Variants in FHOD3 observed in about 807,000 individuals in gnomAD.
FHOD3 encodes formin homology 2 domain containing 3, also known as FH1/FH2 domain-containing protein 3.
FHOD3 carries 90 observed loss-of-function variants against 173.0 expected under a neutral mutation model. The ratio of observed to expected loss-of-function variants is 0.52; its 90% CI spans 0.44 to 0.62. The LOEUF (loss-of-function observed/expected upper bound fraction) is 0.62, where lower values mean the gene tolerates loss of function less well. Ranked by LOEUF, FHOD3 falls within the 20% of genes least tolerant of loss-of-function variation. The pLI is 0.00. For synonymous variants in FHOD3, 828 were observed against 823.0 expected, an observed-to-expected ratio of 1.01 and a Z score of -0.10; for missense variants, 1,945 against 2,034.7, an observed-to-expected ratio of 0.96 and a Z score of 0.85.
intron 5 of FHOD3, among the ~76,000 whole-genome samples, chr18:36,518,364 T>C (rs763433721): frequency 3.9e-5 from 6 of 152,212 alleles, no homozygotes; most frequent in Non-Finnish European, 8.8e-5. Context: ...GCTTTGGGTC[T>C]GGACTTCAGA....
intron 28 of FHOD3, 48 bp downstream of exon 28, chr18:36,769,474 C>A: frequency 6.3e-7 from 1 of 1,583,882 alleles, no homozygotes; most frequent in Non-Finnish European, 8.6e-7. Context: ...CAGGGATCTG[C>A]CCTCCCATTC....
intron 9 of FHOD3, among the ~76,000 whole-genome samples, chr18:36,619,683 C>G (rs956972436): frequency 2.0e-5 from 3 of 152,226 alleles, no homozygotes; most frequent in Non-Finnish European, 2.9e-5. Context: ...GCCCTGGTGA[C>G]CCAGCACATC....
intron 6 of FHOD3, among the ~76,000 whole-genome samples, chr18:36,593,483 G>A (rs776808661): frequency 6.6e-6 from 1 of 152,178 alleles, no homozygotes; most frequent in Non-Finnish European, 1.5e-5. Context: ...CTTGGGGTGA[G>A]TGGTGTTTTT....
rs146628971 is a variant in FHOD3, at chr18:36,665,711, C to G, written c.1835+7523C>G. ...ATCAATTTAGCATTTAGAGAAGAGG[C>G]AAGTGTGCAAAAGAAGAGTGAGTTG... is the stretch of plus-strand genomic sequence containing the variant. On this transcript the variant is annotated intron_variant, in intron 14 of 28. Coordinates refer to ENST00000590592, the MANE Select transcript of FHOD3 (RefSeq NM_001281740.3). 2.1e-4 allele frequency among the ~76,000 whole-genome samples: 32 copies of G among 152,236 alleles called. No homozygotes were observed. In the East Asian group the frequency reaches 5.8e-3, roughly 28 times the overall value.
intron 2 of FHOD3, among the ~76,000 whole-genome samples, chr18:36,359,579 G>T (rs2046512977): frequency 6.6e-6 from 1 of 152,134 alleles, no homozygotes; most frequent in Non-Finnish European, 1.5e-5. Flanking sequence ...GAGGACACTT[G>T]TAACATTTAT....
chr18:36,372,581 A>G, intron 2 of FHOD3, 99 bp from the exon 3 acceptor site: 1 of 900,258 alleles, frequency 1.1e-6, no homozygotes, highest in Non-Finnish European at 1.8e-6. Flanking sequence ...CTGGATCCCC[A>G]CTTAAGTGGG....
chr18:36,320,843 C>G (rs774726446), intron 1 of FHOD3, among the ~76,000 whole-genome samples: 8 of 152,192 alleles, frequency 5.3e-5, no homozygotes, highest in Non-Finnish European at 1.2e-4. Flanking sequence ...GCACTGGATT[C>G]TTTTAAGCAT....
At chr18:36,655,489 G>GA (rs997918429) in intron 13 of FHOD3, among the ~76,000 whole-genome samples, 12 of 150,890 alleles carry the variant, frequency 8.0e-5, no homozygotes, top group South Asian at 2.1e-4. Flanking sequence ...AGTTGTGGGG[G>GA]AAAAAAAAAG....
At chr18:36,345,716 AAC>A (rs1373396923) in intron 1 of FHOD3, among the ~76,000 whole-genome samples, 1 of 152,238 alleles carries the variant, frequency 6.6e-6, no homozygotes, top group Non-Finnish European at 1.5e-5. Flanking sequence ...GTTAGGAAAA[AAC>A]ATGCCAAACA....
chr18:36,415,788 C>G (rs2049609340), intron 3 of FHOD3, among the ~76,000 whole-genome samples: 1 of 152,116 alleles, frequency 6.6e-6, no homozygotes, highest in African/African-American at 2.4e-5. Flanking sequence ...ATTTTCATTC[C>G]ATTGGCATGT....
intron 5 of FHOD3, among the ~76,000 whole-genome samples, chr18:36,530,146 C>A (rs2056720771): frequency 6.6e-6 from 1 of 152,172 alleles, no homozygotes. Flanking sequence ...TAATGAAAAT[C>A]ATTTTGAAAC....
At chr18:36,463,193 G>A (rs1364443082) in intron 3 of FHOD3, among the ~76,000 whole-genome samples, 1 of 151,368 alleles carries the variant, frequency 6.6e-6, no homozygotes, top group African/African-American at 2.4e-5. Context: ...AAATTAGTTA[G>A]GTGGTTGTCT....
intron 1 of FHOD3, among the ~76,000 whole-genome samples, chr18:36,327,235 A>T (rs1442282071): frequency 6.6e-6 from 1 of 152,232 alleles, no homozygotes; most frequent in Non-Finnish European, 1.5e-5. Context: ...GTATTCATCA[A>T]AGATAAAACT....
intron 10 of FHOD3, among the ~76,000 whole-genome samples, chr18:36,643,934 G>A (rs895161081): frequency 1.1e-4 from 16 of 152,236 alleles, no homozygotes; most frequent in African/African-American, 3.9e-4. Context: ...TCGTGTTTCT[G>A]AAAGAGCTCA....
chr18:36,731,946 C>T (rs2041383438), intron 20 of FHOD3, among the ~76,000 whole-genome samples: 1 of 152,088 alleles, frequency 6.6e-6, no homozygotes, highest in African/African-American at 2.4e-5. Flanking sequence ...CAGGATGTGA[C>T]CTTATTTGGA....
intron 5 of FHOD3, among the ~76,000 whole-genome samples, chr18:36,519,353 G>A (rs2056154542): frequency 6.6e-6 from 1 of 152,170 alleles, no homozygotes; most frequent in Non-Finnish European, 1.5e-5. Flanking sequence ...TTCCTCCTGG[G>A]TTAGCTGCCG....
intron 8 of FHOD3, among the ~76,000 whole-genome samples, chr18:36,603,626 C>A (rs570803744): frequency 7.2e-5 from 11 of 152,136 alleles, no homozygotes; most frequent in Non-Finnish European, 4.4e-5. Flanking sequence ...GCCTTAGCCC[C>A]TCTAGTAGCT....
At chr18:36,779,287 G>A (rs1339799573) in intron 28 of FHOD3, 161 bp from the exon 29 acceptor site, 5 of 622,598 alleles carry the variant, frequency 8.0e-6, no homozygotes, top group African/African-American at 5.5e-5. Flanking sequence ...AGACTGCAGG[G>A]CACTTCAGCA....
At chr18:36,706,896 C>T (rs886608948) in intron 17 of FHOD3, among the ~76,000 whole-genome samples, 1 of 152,234 alleles carries the variant, frequency 6.6e-6, no homozygotes, top group African/African-American at 2.4e-5. Flanking sequence ...CATGTGCTTT[C>T]TGTCAACCAA....
Sources: gnomAD v4.1 joint callset for allele counts (sites outside exome capture counted in the v4.1 genomes callset) on GRCh38, gnomAD v4.1.1 for gene constraint, MANE v1.5 for transcripts, NCBI Gene and HGNC (gene_info 2026-07-23, HGNC 2026-07-21) for gene names.